CFAP46: variants seen among roughly 807,000 people sequenced by gnomAD.
CFAP46 encodes the protein cilia and flagella associated protein 46, also known as cilia- and flagella-associated protein 46.
A neutral mutation model predicts 325.7 loss-of-function variants in CFAP46; 245 were observed. That is an observed-to-expected ratio of 0.75 (90% CI 0.68 to 0.84). The LOEUF (loss-of-function observed/expected upper bound fraction) is 0.84, where lower values mean the gene tolerates loss of function less well. CFAP46 is among the 40% of genes least tolerant of loss of function. The probability of loss-of-function intolerance (pLI) is 0.00; values close to 1 mark genes in which losing one functional copy is unlikely to be tolerated. For missense variants in CFAP46, 3,346 were observed against 3,543.0 expected (o/e 0.94, Z 1.41); for synonymous variants, 1,523 against 1,495.9 (o/e 1.02, Z -0.42).
chr10:132,829,609 T>A (rs1294480804), intron 50 of CFAP46, among the ~76,000 whole-genome samples: 1 of 152,256 alleles, frequency 6.6e-6, no homozygotes, highest in Non-Finnish European at 1.5e-5. Context: ...CTGCTGGCCT[T>A]AGGGGATGGC....
chr10:132,923,150 G>C (rs893706699), intron 11 of CFAP46, among the ~76,000 whole-genome samples: 19 of 152,158 alleles, frequency 1.2e-4, no homozygotes, highest in African/African-American at 4.3e-4. Flanking sequence ...TGGACCCCCT[G>C]GCCTTGAGCA....
intron 28 of CFAP46, 56 bp from the exon 29 acceptor site, chr10:132,879,687 C>A: frequency 1.4e-6 from 2 of 1,426,814 alleles, no homozygotes; most frequent in Non-Finnish European, 1.8e-6. Context: ...TCTGTGGGCC[C>A]CAGGCCACTC....
chr10:132,884,965 G>A lies in CFAP46; in HGVS notation c.3627+138C>T. On this transcript the variant is annotated intron_variant, in intron 27 of 57. Coordinates refer to ENST00000368586, the MANE Select transcript of CFAP46 (RefSeq NM_001200049.3). The surrounding 1 kb of genome is among the most constrained non-coding windows in gnomAD (Gnocchi z 5.4). ...AGAGGAGTGCCCGGGGCCACGCGGT[G>A]CATTCTCTGTGCCCGTCAGCTGTGG... is the stretch of plus-strand genomic sequence containing the variant. 1.1e-6 allele frequency: 1 copy of A among 913,792 alleles called. No homozygotes were observed. The highest frequency in any genetic ancestry group is 1.6e-6 in the Non-Finnish European group (1 of 623,206). 56.6% of individuals were successfully genotyped at this position (913,792 alleles called of 1,614,324 possible). A position where few individuals can be genotyped will look rare whatever the true frequency, so the allele number is the denominator to read the frequency against.
In CFAP46 at chr10:132,896,225, GAC is replaced by G. The variant is rs1374378755; in HGVS notation, c.3219+2732_3219+2733del. Among the ~76,000 whole-genome samples the G allele has an allele frequency of 1.3e-5, 2 of 148,398 alleles. 1 individual carries two copies. Among genetic ancestry groups the G allele is most frequent in the Non-Finnish European group, 3.0e-5 (2 of 67,028 alleles). ...GGCAGCTAGGCTCTGTGTGCCATGA[GAC>G]ACAGTGAGAAGGCAGCCAGGCTGTG... On this transcript the variant is annotated intron_variant, in intron 24 of 57. Transcript: ENST00000368586.
intron 44 of CFAP46, 82 bp from the exon 45 acceptor site, chr10:132,836,996 C>T: frequency 1.8e-6 from 2 of 1,115,210 alleles, no homozygotes; most frequent in Non-Finnish European, 2.7e-6. Flanking sequence ...TTCCAGGAGA[C>T]CTCGTGGCAG....
At chr10:132,927,910 TAGAGAA>T (rs1849836295) in intron 9 of CFAP46, among the ~76,000 whole-genome samples, 5 of 152,232 alleles carry the variant, frequency 3.3e-5, no homozygotes, top group Non-Finnish European at 7.3e-5. Flanking sequence ...AATGTTTACC[TAGAGAA>T]GGTCGCTTTC....
intron 19 of CFAP46, 81 bp from the exon 20 acceptor site, chr10:132,910,149 G>T: frequency 7.9e-7 from 1 of 1,263,228 alleles, no homozygotes; most frequent in Non-Finnish European, 1.0e-6. Context: ...ATTAAAAGAT[G>T]GATGGAGCCC....
intron 50 of CFAP46, among the ~76,000 whole-genome samples, chr10:132,821,520 G>C (rs375698579): frequency 9.4e-5 from 13 of 138,888 alleles, no homozygotes; most frequent in African/African-American, 3.4e-4. Flanking sequence ...GCTGTGTGCT[G>C]TGTGCTGATG....
At chr10:132,880,649 GC>G (rs1849025644) in intron 28 of CFAP46, among the ~76,000 whole-genome samples, 1 of 55,432 alleles carries the variant, frequency 1.8e-5, no homozygotes. Flanking sequence ...GCAGAGGACA[GC>G]ACTGAGACAC....
At chr10:132,898,907 A>T in intron 24 of CFAP46, 52 bp downstream of exon 24, 1 of 1,532,166 alleles carries the variant, frequency 6.5e-7, no homozygotes, top group Non-Finnish European at 8.8e-7. Context: ...TTTCTGGAAG[A>T]CCCACTAGAG....
chr10:132,921,835 G>A (rs1485162684), intron 13 of CFAP46, among the ~76,000 whole-genome samples: 1 of 152,236 alleles, frequency 6.6e-6, no homozygotes, highest in African/African-American at 2.4e-5. Flanking sequence ...GGGGCTGGGA[G>A]GAGTAAGTTC....
intron 25 of CFAP46, among the ~76,000 whole-genome samples, chr10:132,891,162 C>G (rs967000626): frequency 1.3e-5 from 2 of 152,230 alleles, no homozygotes; most frequent in African/African-American, 4.8e-5. Flanking sequence ...GCAGCCACGA[C>G]CAGGGGGACA....
chr10:132,859,509 C>G (rs1477270974), intron 37 of CFAP46, among the ~76,000 whole-genome samples: 2 of 151,710 alleles, frequency 1.3e-5, no homozygotes, highest in African/African-American at 4.8e-5. Flanking sequence ...ACTAGTGGAA[C>G]AGTATCCAGG....
rs529710986 is a variant in CFAP46 at position 132,899,204 on chromosome 10, C to T, written c.3057-83G>A. ...GACCAGGAGGGACAGGAAGGTCGGGCGCCCAGGGCCCAGCCACACGCTCGC... is the reference window on the plus strand; with the variant it reads ...GACCAGGAGGGACAGGAAGGTCGGGTGCCCAGGGCCCAGCCACACGCTCGC... On this transcript the variant is annotated intron_variant, in intron 23 of 57. Coordinates refer to ENST00000368586, the MANE Select transcript of CFAP46 (RefSeq NM_001200049.3). 1.2e-3 allele frequency: 1,689 copies of T among 1,429,780 alleles called. 2 individuals are homozygous for T. The highest frequency in any genetic ancestry group is 1.5e-3 in the Non-Finnish European group (1,581 of 1,068,298). The allele number at this position is 1,429,780 out of a possible 1,614,324, so 88.6% of individuals were successfully genotyped here. A position where few individuals can be genotyped will look rare whatever the true frequency, so the allele number is the denominator to read the frequency against.
At position 132,876,007 on chromosome 10, in the gene CFAP46, C is replaced by T. The variant is rs1848952821; in HGVS notation, c.4362+805G>A. On this transcript the variant is annotated intron_variant, in intron 31 of 57. Coordinates refer to ENST00000368586, the MANE Select transcript of CFAP46 (RefSeq NM_001200049.3). The surrounding 1 kb of genome is among the most constrained non-coding windows in gnomAD (Gnocchi z 4.1). ...GATTTTCCAGAATAAAGGATTCCTT[C>T]AAACCAATCAGGAAAAGTCAGAAAG... Among the ~76,000 whole-genome samples the T allele has an allele frequency of 1.3e-5, 2 of 152,216 alleles. No individual in the cohort carries two copies. The highest frequency in any genetic ancestry group is 1.9e-4 in the East Asian group (1 of 5,190).
chr10:132,941,610 G>A lies in CFAP46; in HGVS notation c.287C>T (p.Pro96Leu), dbSNP rs1384862715. Residue 96 changes from proline to leucine, a missense_variant, in exon 3 of 58, where the codon CCG becomes CTG. Physicochemically the swap from Pro to Leu is moderately conservative, Grantham distance 98 (BLOSUM62 -3). Transcript: ENST00000368586. ...TCTCACCAGGTTTTCTGCCGACTTC[G>A]GGGCACACATCTGGGCCCTGCACAG... ...AHLCRAQMCA[P>L]KSAENLEEFE... is the part of the protein sequence containing the mutation. 6 of 1,613,258 alleles carry A rather than the reference G, an allele frequency of 3.7e-6. No individual in the cohort carries two copies. Among genetic ancestry groups the A allele is most frequent in the Non-Finnish European group, 5.1e-6 (6 of 1,179,702 alleles).
chr10:132,915,518 G>A (rs1849623241), intron 17 of CFAP46, among the ~76,000 whole-genome samples: 1 of 152,280 alleles, frequency 6.6e-6, no homozygotes, highest in Non-Finnish European at 1.5e-5. Flanking sequence ...GGGACAGCTG[G>A]CTTTCCTTCT....
chr10:132,904,187 G>T (rs1591082066), intron 22 of CFAP46, among the ~76,000 whole-genome samples: 1 of 152,260 alleles, frequency 6.6e-6, no homozygotes, highest in African/African-American at 2.4e-5. Context: ...ACAAAGGCTG[G>T]TCGTCTGCTG....
At chr10:132,864,075 A>C (rs1241976955) in intron 35 of CFAP46, among the ~76,000 whole-genome samples, 2 of 135,696 alleles carry the variant, frequency 1.5e-5, no homozygotes, top group Non-Finnish European at 3.1e-5. Flanking sequence ...ACCTGCACAC[A>C]CCTGTCCCCG....
Sources: gnomAD v4.1 joint callset for allele counts (sites outside exome capture counted in the v4.1 genomes callset) on GRCh38, gnomAD v4.1.1 for gene constraint, Gnocchi (gnomAD v3.1) non-coding constraint, MANE v1.5 for transcripts, NCBI Gene and HGNC (gene_info 2026-07-23, HGNC 2026-07-21) for gene names.